CKB: variants seen among roughly 807,000 people sequenced by gnomAD.
CKB encodes the protein creatine kinase B.
A neutral mutation model predicts 36.9 loss-of-function variants in CKB; 15 were observed. That is an observed-to-expected ratio of 0.41 (90% CI 0.27 to 0.63). CKB has a LOEUF of 0.63. CKB is among the 20% of genes least tolerant of loss of function. CKB has a pLI of 0.34. For missense variants in CKB, 413 were observed against 534.9 expected, an observed-to-expected ratio of 0.77 and a Z score of 2.25; for synonymous variants, 250 against 228.2, an observed-to-expected ratio of 1.10 and a Z score of -0.86.
chr14:103,520,966 G>C (rs2075895878), intron 5 of CKB: 6 of 567,702 alleles, frequency 1.1e-5, no homozygotes, highest in Non-Finnish European at 1.6e-5. Flanking sequence ...TCCCAGGGCC[G>C]TCGGGGAGAG....
chr14:103,520,867 G>T, intron 5 of CKB: 1 of 512,438 alleles, frequency 2.0e-6, no homozygotes, highest in Non-Finnish European at 3.5e-6. Flanking sequence ...GGGGGTAGGA[G>T]CCCTGCCCCT....
Position 103,521,453 on chromosome 14 carries a change from G to A in CKB, c.482-19C>T, listed in dbSNP as rs1184891750. 3.9e-6 allele frequency: 6 copies of A among 1,531,370 alleles called. No homozygotes were observed. Among genetic ancestry groups the A allele is most frequent in the South Asian group, 2.4e-5 (2 of 82,886 alleles). The allele number at this position is 1,531,370 out of a possible 1,614,324, so 94.9% of individuals were successfully genotyped here. On this transcript the variant is annotated intron_variant, in intron 4 of 7. Coordinates refer to ENST00000348956, the MANE Select transcript of CKB (RefSeq NM_001823.5). ...GACAGGGCTGCGAGGGGTGCGCTCA[G>A]GACGCTCGGCTCCCGCGCCCGCCCC...
rs1288790971 is a variant in CKB at position 103,520,595 on chromosome 14, G to A, written c.654-3C>T. 1.2e-6 allele frequency: 2 copies of A among 1,611,334 alleles called. No homozygotes were observed. The highest frequency in any genetic ancestry group is 1.7e-6 in the Non-Finnish European group (2 of 1,179,020). On this transcript the variant is annotated splice_polypyrimidine_tract_variant and splice_region_variant and intron_variant, in intron 5 of 7. Transcript: ENST00000348956. Reference sequence around the variant, plus strand: ...GGAAGGTCTTATTGTCATTGTGCCTGCGGGAGGGCTGGTCTCAGGGCATAC... The same window carrying A: ...GGAAGGTCTTATTGTCATTGTGCCTACGGGAGGGCTGGTCTCAGGGCATAC...
chr14:103,521,417 C>G lies in CKB; in HGVS notation c.499G>C (p.Gly167Arg), dbSNP rs200266751. 78 of 1,601,870 alleles carry G rather than the reference C, an allele frequency of 4.9e-5. 1 individual carries two copies. The East Asian group carries it at 1.4e-3, about 29-fold the overall frequency. ...GCGTAGTATCGGCCCGCCAGGTCGC[C>G]GTCCAGGCTGGACAGGGCTGCGAGG... ...LAVEALSSLD[G>R]DLAGRYYALK... The change falls in exon 5 of 8, where the codon GGC becomes CGC. Residue 167 changes from glycine to arginine, a missense_variant. Physicochemically the swap from Gly to Arg is moderately radical, Grantham distance 125 (BLOSUM62 -2). Transcript: ENST00000348956.
chr14:103,521,486 C>A (rs749139920), intron 4 of CKB, 52 bp from the exon 5 acceptor site: 25 of 1,432,466 alleles, frequency 1.7e-5, no homozygotes, highest in Middle Eastern at 2.5e-4. Flanking sequence ...CCCTCCAGCC[C>A]GCAGCGCGGA....
Position 103,520,608 on chromosome 14 carries a change from T to C in CKB, c.654-16A>G, listed in dbSNP as rs1294690971. ...GTCATTGTGCCTGCGGGAGGGCTGG[T>C]CTCAGGGCATACCCAGAAAAAAGCC... On this transcript the variant is annotated splice_polypyrimidine_tract_variant and intron_variant, in intron 5 of 7. Transcript: ENST00000348956. 6.2e-7 allele frequency: 1 copy of C among 1,607,914 alleles called. No individual in the cohort carries two copies.
Position 103,520,599 on chromosome 14 carries a change from G to T in CKB, c.654-7C>A. The T allele has an allele frequency of 3.7e-6, 6 of 1,610,714 alleles. No homozygotes were observed. Among genetic ancestry groups the T allele is most frequent in the Non-Finnish European group, 5.1e-6 (6 of 1,178,696 alleles). ...GGTCTTATTGTCATTGTGCCTGCGG[G>T]AGGGCTGGTCTCAGGGCATACCCAG... is the stretch of plus-strand genomic sequence containing the variant. On this transcript the variant is annotated splice_polypyrimidine_tract_variant and splice_region_variant and intron_variant, in intron 5 of 7. Transcript: ENST00000348956.
At chr14:103,521,692 C>A in intron 4 of CKB, 126 bp downstream of exon 4, 4 of 1,161,158 alleles carry the variant, frequency 3.4e-6, no homozygotes, top group Non-Finnish European at 4.5e-6. Flanking sequence ...GAAACTGAAC[C>A]CGGGCGCGCG....
Position 103,519,715 on chromosome 14 carries a change from T to G in CKB, c.*149A>C. On this transcript the variant is annotated 3_prime_UTR_variant, in exon 8 of 8. Transcript: ENST00000348956. ...TTCAGCATCAGCAGTATCTTAGCCATCAAAAAAATAAACTCTACCAAGGGT... is the reference window on the plus strand; with the variant it reads ...TTCAGCATCAGCAGTATCTTAGCCAGCAAAAAAATAAACTCTACCAAGGGT... The G allele has an allele frequency of 2.4e-6, 2 of 843,988 alleles. No individual in the cohort carries two copies. The highest frequency in any genetic ancestry group is 3.6e-6 in the Non-Finnish European group (2 of 562,490). The allele number at this position is 843,988 out of a possible 1,614,324, so 52.3% of individuals were successfully genotyped here.
At position 103,521,906 on chromosome 14, in the gene CKB, C is replaced by A; in HGVS notation, c.393G>T (p.Val131=). Residue 131 remains valine (V), a synonymous_variant, in exon 4 of 8, where the codon GTG becomes GTT. Coordinates refer to ENST00000348956, the MANE Select transcript of CKB (RefSeq NM_001823.5). ...AGCCACGGATGCTGCGGCCCGTGCG[C>A]ACCCGCGAGCTCAGCACGTAGTTGG... The part of the protein sequence containing the change: ...LDPNYVLSSR[V]RTGRSIRGFC... 1.3e-6 allele frequency: 2 copies of A among 1,576,152 alleles called. No homozygotes were observed. The highest frequency in any genetic ancestry group is 2.0e-4 in the Middle Eastern group (1 of 5,078).
chr14:103,520,752 C>G, intron 5 of CKB, 160 bp from the exon 6 acceptor site: 2 of 1,024,476 alleles, frequency 2.0e-6, no homozygotes, highest in Non-Finnish European at 2.8e-6. Flanking sequence ...GGCGGGGGAA[C>G]CGGGACGCCT....
chr14:103,521,929 T>G lies in CKB; in HGVS notation c.370A>C (p.Asn124His). 6.3e-7 allele frequency: 1 copy of G among 1,580,448 alleles called. No homozygotes were observed. Among genetic ancestry groups the G allele is most frequent in the African/African-American group, 1.4e-5 (1 of 73,782 alleles). ...NLQGGDDLDP[N>H]YVLSSRVRTG... ...CGCACCCGCGAGCTCAGCACGTAGT[T>G]GGGGTCCAGGTCGTCGCCGCCCTGG... is the stretch of plus-strand genomic sequence containing the variant. Residue 124 changes from asparagine (N) to histidine (H), a missense_variant, in exon 4 of 8, where the codon AAC (asparagine) becomes CAC (histidine). Asn to His is a moderately conservative substitution (Grantham distance 68). Transcript: ENST00000348956.
chr14:103,521,636 G>A (rs1218188543), intron 4 of CKB, 182 bp downstream of exon 4: 2 of 948,294 alleles, frequency 2.1e-6, no homozygotes, highest in Admixed American at 4.3e-5. Flanking sequence ...TGGGCCCCAG[G>A]CCGCTGTGGG....
rs1415409897 is a variant in CKB at position 103,519,748 on chromosome 14, G to A, written c.*116C>T. ...ATAAACTCTACCAAGGGTGACGGAA[G>A]TCTCTACAGCAAGGCTAAGGGCTCG... On this transcript the variant is annotated 3_prime_UTR_variant, in exon 8 of 8. Coordinates refer to ENST00000348956, the MANE Select transcript of CKB (RefSeq NM_001823.5). 1 of 1,181,320 alleles carries A rather than the reference G, an allele frequency of 8.5e-7. No homozygotes were observed. The highest frequency in any genetic ancestry group is 1.2e-6 in the Non-Finnish European group (1 of 848,456). The allele number at this position is 1,181,320 out of a possible 1,614,324, so 73.2% of individuals were successfully genotyped here. A position where few individuals can be genotyped will look rare whatever the true frequency, so the allele number is the denominator to read the frequency against.
chr14:103,519,955 A>G lies in CKB; in HGVS notation c.1055T>C (p.Met352Thr). 1 of 1,610,956 alleles carries G rather than the reference A, an allele frequency of 6.2e-7. No homozygotes were observed. Among genetic ancestry groups the G allele is most frequent in the Non-Finnish European group, 8.5e-7 (1 of 1,179,956 alleles). ...LGFSEVELVQMVVDGVKLLIE... is the reference protein window; with the variant it reads ...LGFSEVELVQTVVDGVKLLIE... ...GAGCAGCTTCACTCCGTCCACCACCATCTGCACCAGCTCCACCTCTGAGAA... is the reference window on the plus strand; with the variant it reads ...GAGCAGCTTCACTCCGTCCACCACCGTCTGCACCAGCTCCACCTCTGAGAA... Residue 352 changes from methionine (M) to threonine (T), a missense_variant, in exon 8 of 8, where the codon ATG becomes ACG. Coordinates refer to ENST00000348956, the MANE Select transcript of CKB (RefSeq NM_001823.5).
intron 5 of CKB, 23 bp downstream of exon 5, chr14:103,521,240 A>G: frequency 6.4e-7 from 1 of 1,565,662 alleles, no homozygotes; most frequent in Middle Eastern, 1.8e-4. Context: ...GGACGCCGCG[A>G]GAGGGCGCAG....
Position 103,521,428 on chromosome 14 carries a change from G to A in CKB, c.488C>T (p.Ser163Phe). The A allele has an allele frequency of 6.3e-7, 1 of 1,597,284 alleles. No individual in the cohort carries two copies. Among genetic ancestry groups the A allele is most frequent in the Non-Finnish European group, 8.5e-7 (1 of 1,177,528 alleles). ...AIEKLAVEAL[S>F]SLDGDLAGRY... ...GCCCGCCAGGTCGCCGTCCAGGCTG[G>A]ACAGGGCTGCGAGGGGTGCGCTCAG... The change falls in exon 5 of 8, where the codon TCC becomes TTC. Residue 163 changes from serine to phenylalanine, a missense_variant. Around this residue, in one of 3 missense-constraint regions of CKB, gnomAD observed 314 missense variants for 409.4 expected, o/e 0.77. Transcript: ENST00000348956.
chr14:103,521,460 C>T, intron 4 of CKB, 26 bp from the exon 5 acceptor site: 1 of 1,494,366 alleles, frequency 6.7e-7, no homozygotes. Context: ...TCAGGACGCT[C>T]GGCTCCCGCG....
At position 103,522,466 on chromosome 14, in the gene CKB, G is replaced by T. The variant is rs561373336; in HGVS notation, c.28C>A (p.Leu10Met). 5 of 1,608,322 alleles carry T rather than the reference G, an allele frequency of 3.1e-6. No homozygotes were observed. The South Asian group carries it at 4.4e-5, about 14-fold the overall frequency. ...TCCTCGGCCGGGAAGCGCAGCTTCAGTGCGTTGTGGCTGTTGGAGAAGGGC... is the reference window on the plus strand; with the variant it reads ...TCCTCGGCCGGGAAGCGCAGCTTCATTGCGTTGTGGCTGTTGGAGAAGGGC... The part of the protein sequence containing the change: MPFSNSHNA[L>M]KLRFPAEDEF... Residue 10 changes from leucine (L) to methionine (M), a missense_variant, in exon 2 of 8, where the codon CTG (leucine) becomes ATG (methionine). By Grantham distance (15) the Leu-to-Met change is conservative. This residue lies in a region of CKB where 74 missense variants were observed against 70.6 expected (regional missense o/e 1.05). Coordinates refer to ENST00000348956, the MANE Select transcript of CKB (RefSeq NM_001823.5). This position sits in a 1 kb window ranked among gnomAD's most constrained non-coding sequence, Gnocchi z 6.7.
Sources: allele counts gnomAD v4.1 joint callset, GRCh38; gene constraint gnomAD v4.1.1; regional missense constraint gnomAD v4.1.1; non-coding constraint Gnocchi (gnomAD v3.1); transcripts MANE v1.5; gene names NCBI Gene and HGNC (gene_info 2026-07-23, HGNC 2026-07-21).